DCBLD1: variants seen among roughly 807,000 people sequenced by gnomAD.
DCBLD1 encodes the protein discoidin, CUB and LCCL domain containing 1, also known as discoidin, CUB and LCCL domain-containing protein 1.
Under a neutral mutation model 71.5 loss-of-function variants are expected in DCBLD1, and 57 were observed. That is an observed-to-expected ratio of 0.80 (90% CI 0.64 to 0.99). The LOEUF is 0.99. Among genes scored for constraint, DCBLD1 ranks in the 50% least tolerant of loss-of-function variants. The pLI, the probability that DCBLD1 is intolerant of heterozygous loss-of-function variation, is 0.00. For synonymous variants in DCBLD1, 380 were observed against 363.8 expected (o/e 1.04, Z -0.51); for missense variants, 891 against 923.5 (o/e 0.96, Z 0.46).
chr6:117,516,530 A>G (rs1393371280), intron 2 of DCBLD1, among the ~76,000 whole-genome samples: 1 of 152,136 alleles, frequency 6.6e-6, no homozygotes, highest in Admixed American at 6.5e-5. Context: ...TTATTCTATC[A>G]CATCTTCAGT....
At position 117,541,082 on chromosome 6, in the gene DCBLD1, A is replaced by T. The variant is rs188511953; in HGVS notation, c.1357+57A>T. 2.0e-4 allele frequency: 315 copies of T among 1,551,778 alleles called. 1 individual carries two copies. In the African/African-American group the frequency reaches 4.1e-3, roughly 20 times the overall value. Reference sequence around the variant, plus strand: ...GAGCATAACTGGTAACCCACCCAATATCAGTAACTTCAACAAAATTTCTTT... The same window carrying T: ...GAGCATAACTGGTAACCCACCCAATTTCAGTAACTTCAACAAAATTTCTTT... On this transcript the variant is annotated intron_variant, in intron 11 of 14. Transcript: ENST00000338728.
intron 8 of DCBLD1, 84 bp from the exon 9 acceptor site, chr6:117,539,171 G>C: frequency 7.9e-7 from 1 of 1,269,820 alleles, no homozygotes; most frequent in Admixed American, 2.6e-5. Context: ...AAATGAGGGA[G>C]AAAAAAATGA....
At position 117,545,496 on chromosome 6, in the gene DCBLD1, A is replaced by C; in HGVS notation, c.1514A>C (p.Lys505Thr). ...AQKTDCWKQI[K>T]YPFARHQSAE... ...ATTCCAGACTGTTGGAAGCAGATTA[A>C]ATATCCCTTTGCCAGACATCAGTCA... The change falls in exon 14 of 15, where the codon AAA becomes ACA. Residue 505 changes from lysine to threonine, a missense_variant. By Grantham distance (78) the Lys-to-Thr change is moderately conservative (BLOSUM62 -1). Transcript: ENST00000338728. 2.5e-6 allele frequency: 4 copies of C among 1,614,104 alleles called. No homozygotes were observed. The highest frequency in any genetic ancestry group is 3.4e-6 in the Non-Finnish European group (4 of 1,180,004).
chr6:117,506,595 A>G, intron 2 of DCBLD1, among the ~76,000 whole-genome samples: 1 of 152,210 alleles, frequency 6.6e-6, no homozygotes, highest in East Asian at 1.9e-4. Context: ...GTCTGTTTGA[A>G]CATCCTCCAG....
intron 7 of DCBLD1, among the ~76,000 whole-genome samples, chr6:117,538,128 G>A (rs1778962665): frequency 6.6e-6 from 1 of 152,260 alleles, no homozygotes; most frequent in South Asian, 2.1e-4. Context: ...CTTCACATTG[G>A]TATATTGGGC....
At position 117,497,654 on chromosome 6, in the gene DCBLD1, A is replaced by G. The variant is rs150616634; in HGVS notation, c.113-6113A>G. ...TAGTCTCAAGAATTTACTTGTTAAT[A>G]TATCTTTCTTCTCTTGACTGGACTT... On this transcript the variant is annotated intron_variant, in intron 1 of 14. Coordinates refer to ENST00000338728, the MANE Select transcript of DCBLD1 (RefSeq NM_001366458.2). 2.8e-3 allele frequency among the ~76,000 whole-genome samples: 425 copies of G among 152,280 alleles called. 1 individual carries two copies. The highest frequency in any genetic ancestry group is 5.0e-3 in the Non-Finnish European group (340 of 68,008).
intron 1 of DCBLD1, among the ~76,000 whole-genome samples, chr6:117,497,178 G>C (rs1777500224): frequency 6.6e-6 from 1 of 152,130 alleles, no homozygotes; most frequent in South Asian, 2.1e-4. Context: ...GGGCGACAGA[G>C]CAAGACTCCG....
chr6:117,526,582 T>C (rs1464832138), intron 5 of DCBLD1, among the ~76,000 whole-genome samples: 2 of 152,218 alleles, frequency 1.3e-5, no homozygotes, highest in African/African-American at 4.8e-5. Context: ...GCATAACAGG[T>C]AAATGGTTTC....
chr6:117,533,389 T>G (rs1053198872), intron 6 of DCBLD1, among the ~76,000 whole-genome samples: 2 of 152,200 alleles, frequency 1.3e-5, no homozygotes, highest in African/African-American at 4.8e-5. Context: ...ATGGTCGTAT[T>G]TTGCTGTTCC....
At chr6:117,549,892 G>A, downstream of DCBLD1, 2 of 982,914 alleles carry the variant, frequency 2.0e-6, no homozygotes, top group Non-Finnish European at 2.4e-6. Flanking sequence ...ACAGTGGAAA[G>A]AGAAAGAGCT....
chr6:117,525,231 A>G, intron 4 of DCBLD1, 131 bp from the exon 5 acceptor site: 1 of 510,706 alleles, frequency 2.0e-6, no homozygotes, highest in Non-Finnish European at 2.9e-6. Context: ...TTCACAAATC[A>G]GGTTTCTAAT....
chr6:117,489,323 G>A (rs971623755), intron 1 of DCBLD1, among the ~76,000 whole-genome samples: 1 of 152,148 alleles, frequency 6.6e-6, no homozygotes, highest in Non-Finnish European at 1.5e-5. Context: ...CAAGGGGATG[G>A]TGCCAAGCCA....
At chr6:117,545,005 C>A (rs983489556) in intron 13 of DCBLD1, among the ~76,000 whole-genome samples, 1 of 148,384 alleles carries the variant, frequency 6.7e-6, no homozygotes, top group African/African-American at 2.5e-5. Flanking sequence ...GCACACCAGC[C>A]CCGTCTGGTC....
chr6:117,569,679 C>G, exon 15 of DCBLD1: 1 of 1,610,642 alleles, frequency 6.2e-7, no homozygotes, highest in South Asian at 1.1e-5. Flanking sequence ...CATCTATCAG[C>G]AGGTTGCCCC....
chr6:117,493,617 A>C (rs959523505), intron 1 of DCBLD1, among the ~76,000 whole-genome samples: 5 of 152,218 alleles, frequency 3.3e-5, no homozygotes, highest in Admixed American at 2.6e-4. Flanking sequence ...CAGTAATGTG[A>C]GATTGGGCAA....
At chr6:117,546,886 C>T (rs945095021) in intron 14 of DCBLD1, among the ~76,000 whole-genome samples, 3 of 152,172 alleles carry the variant, frequency 2.0e-5, no homozygotes, top group Admixed American at 6.5e-5. Context: ...CAATCGAATC[C>T]ATTGTTCCTA....
In DCBLD1 at chr6:117,503,783, C is replaced by T. The variant is rs138942330; in HGVS notation, c.129C>T (p.His43=). The part of the protein sequence containing the change: ...QAEELGDGCG[H]LVTYQDSGTM... ...CTTTACCAGGTGATGGCTGTGGACA[C>T]CTAGTGACTTATCAGGATAGTGGCA... Residue 43 remains histidine (H), a synonymous_variant, in exon 2 of 15, where the codon CAC becomes CAT. Coordinates refer to ENST00000338728, the MANE Select transcript of DCBLD1 (RefSeq NM_001366458.2). The T allele has an allele frequency of 2.5e-4, 408 of 1,613,932 alleles. 2 individuals carry two copies. Among genetic ancestry groups the T allele is most frequent in the Non-Finnish European group, 3.2e-4 (378 of 1,179,998 alleles).
intron 14 of DCBLD1, among the ~76,000 whole-genome samples, chr6:117,547,394 G>T (rs989075704): frequency 6.6e-6 from 1 of 152,058 alleles, no homozygotes; most frequent in African/African-American, 2.4e-5. Flanking sequence ...CTTGCTATTG[G>T]AATAGCGCCT....
At chr6:117,524,311 C>T (rs1778477818) in intron 4 of DCBLD1, among the ~76,000 whole-genome samples, 1 of 151,918 alleles carries the variant, frequency 6.6e-6, no homozygotes, top group South Asian at 2.1e-4. Flanking sequence ...GTGATTCCCT[C>T]CTGCCTCAGC....
Sources: gnomAD v4.1 joint callset for allele counts (sites outside exome capture counted in the v4.1 genomes callset) on GRCh38, gnomAD v4.1.1 for gene constraint, MANE v1.5 for transcripts, NCBI Gene and HGNC (gene_info 2026-07-23, HGNC 2026-07-21) for gene names.